Variants in CELF2 observed in about 807,000 individuals in gnomAD.
CELF2 encodes the protein CUGBP Elav-like family member 2.
CELF2 carries 8 observed loss-of-function variants against 62.6 expected under a neutral mutation model. The observed-to-expected ratio is 0.13, with a 90% confidence interval of 0.07 to 0.23. CELF2 has a LOEUF of 0.23. Among genes scored for constraint, CELF2 ranks in the 10% least tolerant of loss-of-function variants. The pLI is 1.00. For synonymous variants in CELF2, 258 were observed against 250.0 expected (o/e 1.03, Z -0.30); for missense variants, 333 against 671.0 (o/e 0.50, Z 5.56).
the CELF2 span, among the ~76,000 whole-genome samples, chr10:10,507,083 A>T: frequency 6.6e-6 from 1 of 152,256 alleles, no homozygotes; most frequent in Non-Finnish European, 1.5e-5. Context: ...AAAGGCCGGA[A>T]ACCAGTTCAC....
At chr10:10,843,822 T>C (rs150077796) in intron 1 of CELF2, among the ~76,000 whole-genome samples, 11 of 152,168 alleles carry the variant, frequency 7.2e-5, no homozygotes, top group Admixed American at 1.3e-4. Context: ...GTTCTGAATC[T>C]GTCCCAGTTG....
chr10:10,657,017 A>C, the CELF2 span, among the ~76,000 whole-genome samples: 5 of 152,190 alleles, frequency 3.3e-5, no homozygotes, highest in African/African-American at 1.2e-4. Flanking sequence ...GAAACCATTC[A>C]AATATTCATC....
At chr10:11,254,594 T>C (rs1218293371) in intron 4 of CELF2, among the ~76,000 whole-genome samples, 2 of 152,236 alleles carry the variant, frequency 1.3e-5, no homozygotes, top group African/African-American at 4.8e-5. Flanking sequence ...ACCCAGGAGC[T>C]GCATGGTTAA....
At chr10:10,571,343 G>T in the CELF2 span, among the ~76,000 whole-genome samples, 115 of 152,296 alleles carry the variant, frequency 7.6e-4, no homozygotes, top group African/African-American at 2.7e-3. Context: ...GCCTGGGAAG[G>T]CACTGCAAGA....
chr10:11,152,957 C>T (rs566535436), intron 1 of CELF2, among the ~76,000 whole-genome samples: 4 of 152,224 alleles, frequency 2.6e-5, no homozygotes, highest in Non-Finnish European at 4.4e-5. Context: ...TTCTCTAAAG[C>T]TCATAATCTT....
At chr10:11,060,932 C>T (rs939889918) in intron 1 of CELF2, among the ~76,000 whole-genome samples, 2 of 152,192 alleles carry the variant, frequency 1.3e-5, no homozygotes, top group Non-Finnish European at 2.9e-5. Flanking sequence ...GTCTTTCTCC[C>T]TCCACTTGGG....
chr10:10,511,921 G>A, the CELF2 span, among the ~76,000 whole-genome samples: 2 of 152,068 alleles, frequency 1.3e-5, no homozygotes, highest in East Asian at 3.8e-4. Flanking sequence ...ATTTTGAAAT[G>A]CAAACATGAT....
intron 1 of CELF2, among the ~76,000 whole-genome samples, chr10:10,896,511 C>T (rs976438754): frequency 6.6e-6 from 1 of 151,850 alleles, no homozygotes; most frequent in Non-Finnish European, 1.5e-5. Context: ...TGGGGTCACA[C>T]TAGATTAGGG....
rs201641590 is a variant in CELF2, at chr10:11,257,775, G to A, written c.441G>A (p.Ser147=). The change falls in exon 5 of 13, where the codon TCG becomes TCA. Residue 147 remains serine (S), a synonymous_variant. Coordinates refer to ENST00000633077, the MANE Select transcript of CELF2 (RefSeq NM_001326342.2). ...EDRKLFIGMV[S]KKCNENDIRV... ...GAAAATTGTTCATAGGAATGGTATCGAAGAAATGTAATGAGAACGACATCA... is the reference window on the plus strand; with the variant it reads ...GAAAATTGTTCATAGGAATGGTATCAAAGAAATGTAATGAGAACGACATCA... 1.3e-3 allele frequency: 2,061 copies of A among 1,614,088 alleles called. 52 individuals are homozygous for A. The South Asian group carries it at 0.021, about 16-fold the overall frequency.
At chr10:10,758,972 C>A in the CELF2 span, among the ~76,000 whole-genome samples, 3 of 152,192 alleles carry the variant, frequency 2.0e-5, no homozygotes, top group African/African-American at 7.2e-5. Context: ...GCTTCCCTAT[C>A]TCCTAATTGT....
intron 1 of CELF2, 136 bp downstream of exon 1, chr10:11,018,299 C>T (rs1045391060): frequency 1.1e-5 from 7 of 610,544 alleles, no homozygotes; most frequent in East Asian, 9.3e-5. Flanking sequence ...CCTCGGCCTT[C>T]GGAGGCCGGC....
the CELF2 span, among the ~76,000 whole-genome samples, chr10:10,667,768 T>C: frequency 1.3e-5 from 2 of 152,176 alleles, no homozygotes; most frequent in African/African-American, 4.8e-5. Context: ...AGAAGTCAGA[T>C]AGAAATAAAC....
chr10:10,951,362 C>G (rs2048301515), intron 2 of CELF2, among the ~76,000 whole-genome samples: 2 of 152,184 alleles, frequency 1.3e-5, no homozygotes, highest in African/African-American at 4.8e-5. Flanking sequence ...GTCTTGAACT[C>G]CTGGGCTCAA....
chr10:11,242,746 A>C lies in CELF2; in HGVS notation c.355-6407A>C, dbSNP rs2074351537. ...CATCAGGTCCAGTCACAGGCCAGCC[A>C]GGGTGAGGACCAGGGTGGACCACTC... is the stretch of plus-strand genomic sequence containing the variant. On this transcript the variant is annotated intron_variant, in intron 3 of 12. Transcript: ENST00000633077. This position sits in a 1 kb window ranked among gnomAD's most constrained non-coding sequence, Gnocchi z 4.8. 6.6e-6 allele frequency among the ~76,000 whole-genome samples: 1 copy of C among 152,202 alleles called. No homozygotes were observed. Among genetic ancestry groups the C allele is most frequent in the Admixed American group, 6.5e-5 (1 of 15,290 alleles).
At chr10:10,511,197 G>A in the CELF2 span, among the ~76,000 whole-genome samples, 7 of 152,176 alleles carry the variant, frequency 4.6e-5, no homozygotes, top group Non-Finnish European at 7.3e-5. Flanking sequence ...ATCACCTGAG[G>A]TCAGGAGTTC....
intron 9 of CELF2, among the ~76,000 whole-genome samples, chr10:11,294,155 C>G (rs17453918): frequency 0.072 from 10,908 of 152,200 alleles, 600 homozygotes; most frequent in African/African-American, 0.14. Flanking sequence ...TCTGATGTCA[C>G]GATATAGAAT....
intron 9 of CELF2, among the ~76,000 whole-genome samples, chr10:11,298,367 G>A (rs1365989526): frequency 6.6e-6 from 1 of 152,266 alleles, no homozygotes; most frequent in African/African-American, 2.4e-5. Flanking sequence ...AGCAGGTGGT[G>A]CAGCCTGAGG....
At chr10:11,188,236 G>A (rs6602480) in intron 2 of CELF2, among the ~76,000 whole-genome samples, 20,791 of 152,144 alleles carry the variant, frequency 0.14, 1,836 homozygotes, top group African/African-American at 0.26. Flanking sequence ...CTCCCAAGTA[G>A]CTGGGATTAC....
At chr10:10,908,980 G>C (rs1450348680) in intron 1 of CELF2, among the ~76,000 whole-genome samples, 1 of 152,042 alleles carries the variant, frequency 6.6e-6, no homozygotes, top group Non-Finnish European at 1.5e-5. Context: ...GTAGAGACAG[G>C]GTTTTGCCAT....
Sources: allele counts gnomAD v4.1 joint callset (sites outside exome capture counted in the v4.1 genomes callset), GRCh38; gene constraint gnomAD v4.1.1; non-coding constraint Gnocchi (gnomAD v3.1); transcripts MANE v1.5; gene names NCBI Gene and HGNC (gene_info 2026-07-23, HGNC 2026-07-21).